Variants in UBL7 observed in about 807,000 individuals in gnomAD.
The protein encoded by UBL7 is ubiquitin like 7.
UBL7 carries 21 observed loss-of-function variants against 41.7 expected under a neutral mutation model. That is an observed-to-expected ratio of 0.50 (90% CI 0.36 to 0.73). UBL7 has a LOEUF of 0.73. Among genes scored for constraint, UBL7 ranks in the 30% least tolerant of loss-of-function variants. The pLI is 0.00. For synonymous variants in UBL7, 157 were observed against 186.9 expected, an observed-to-expected ratio of 0.84 and a Z score of 1.31; for missense variants, 403 against 478.4, an observed-to-expected ratio of 0.84 and a Z score of 1.47.
At position 74,449,226 on chromosome 15, in the gene UBL7, G is replaced by A; in HGVS notation, c.842C>T (p.Thr281Ile). 1 of 1,598,376 alleles carries A rather than the reference G, an allele frequency of 6.3e-7. No homozygotes were observed. The highest frequency in any genetic ancestry group is 8.5e-7 in the Non-Finnish European group (1 of 1,173,728). ...ELATALALAS[T>I]PESSSHTPTP... is the part of the protein sequence containing the mutation. ...CGGTGTGTGAGAGCTGCTCTCCGGA[G>A]TGCTGGCCAGGGCCAAGGCGGTGGC... Residue 281 changes from threonine (T) to isoleucine (I), a missense_variant, in exon 9 of 11, where the codon ACT becomes ATT. Thr to Ile is a moderately conservative substitution (Grantham distance 89). Transcript: ENST00000395081.
chr15:74,456,108 C>T (rs527434662), intron 3 of UBL7, among the ~76,000 whole-genome samples: 106 of 135,646 alleles, frequency 7.8e-4, no homozygotes, highest in Middle Eastern at 4.9e-3. Context: ...GCCTGTGAGA[C>T]AGAGTGAGAC....
At position 74,449,310 on chromosome 15, in the gene UBL7, G is replaced by T; in HGVS notation, c.758C>A (p.Pro253Gln). 6.2e-7 allele frequency: 1 copy of T among 1,614,064 alleles called. No individual in the cohort carries two copies. Among genetic ancestry groups the T allele is most frequent in the Non-Finnish European group, 8.5e-7 (1 of 1,179,998 alleles). Residue 253 changes from proline to glutamine, a missense_variant, in exon 9 of 11, where the codon CCA becomes CAA. Transcript: ENST00000395081. ...TPSSSTPSSR[P>Q]ASLGYSGAAG... ...AGCTCCACTGTACCCCAGGGAGGCT[G>T]GGCGGGAGCTGGGAGTACTGCTAGA...
intron 3 of UBL7, among the ~76,000 whole-genome samples, chr15:74,455,256 C>T (rs1384999687): frequency 6.6e-6 from 1 of 152,182 alleles, no homozygotes; most frequent in African/African-American, 2.4e-5. Flanking sequence ...AGATGTCAAC[C>T]TGCCAGTGTA....
chr15:74,456,180 C>A (rs1323301721), intron 3 of UBL7, among the ~76,000 whole-genome samples: 1 of 151,368 alleles, frequency 6.6e-6, no homozygotes, highest in East Asian at 1.9e-4. Context: ...TGCCTGTAAT[C>A]CCAGCTACTC....
chr15:74,446,312 G>T lies in UBL7; in HGVS notation c.1006-85C>A. On this transcript the variant is annotated intron_variant, in intron 10 of 10. Transcript: ENST00000395081. The surrounding 1 kb of genome is among the most constrained non-coding windows in gnomAD (Gnocchi z 4.1). The stretch of plus-strand genomic sequence containing the variant: ...GGTCTGTGCTTTCCGGGGAAGGAAA[G>T]GAAGATGGGGGAGTCCTCAGCAAAG... 1.3e-6 allele frequency: 2 copies of T among 1,544,324 alleles called. No individual in the cohort carries two copies. Among genetic ancestry groups the T allele is most frequent in the Non-Finnish European group, 1.8e-6 (2 of 1,138,354 alleles).
At position 74,459,130 on chromosome 15, in the gene UBL7, A is replaced by T. The variant is rs1475217774; in HGVS notation, c.-29-234T>A. On this transcript the variant is annotated intron_variant, in intron 1 of 10. Transcript: ENST00000395081. ...TAACGTGGACATAAAAACGCCATCC[A>T]ATCTAATAGGAATGTTGTGAGAGAG... The T allele has an allele frequency of 6.5e-6, 3 of 460,166 alleles. No homozygotes were observed. The East Asian group carries it at 1.1e-4, about 17-fold the overall frequency. The allele number at this position is 460,166 out of a possible 1,614,324, so 28.5% of individuals were successfully genotyped here. A position where few individuals can be genotyped will look rare whatever the true frequency, so the allele number is the denominator to read the frequency against.
At chr15:74,460,878 G>T in intron 1 of UBL7, 159 bp downstream of exon 1, 1 of 1,190,124 alleles carries the variant, frequency 8.4e-7, no homozygotes, top group South Asian at 1.6e-5. Context: ...GAAGGAGGTC[G>T]TTTTATATAC....
Position 74,445,993 on chromosome 15 carries a change from G to GTA in UBL7, c.*95_*96dup, listed in dbSNP as rs2061178429. On this transcript the variant is annotated 3_prime_UTR_variant, in exon 11 of 11. Transcript: ENST00000395081. ...ACAAAGCAGGAGAGTTGACCATCAG[G>GTA]TATATTGGGGAAGGGAGAGATGGAG... 1.3e-6 allele frequency: 2 copies of GTA among 1,492,470 alleles called. No homozygotes were observed. Among genetic ancestry groups the GTA allele is most frequent in the Non-Finnish European group, 1.8e-6 (2 of 1,104,374 alleles). The allele number at this position is 1,492,470 out of a possible 1,614,324, so 92.5% of individuals were successfully genotyped here.
At chr15:74,447,494 A>G (rs2061194557) in intron 10 of UBL7, among the ~76,000 whole-genome samples, 2 of 152,088 alleles carry the variant, frequency 1.3e-5, no homozygotes, top group Admixed American at 6.5e-5. Flanking sequence ...CTTGAGCCCA[A>G]GAGTTCAAGA....
intron 9 of UBL7, 137 bp downstream of exon 9, chr15:74,449,049 A>G: frequency 9.1e-7 from 1 of 1,093,572 alleles, no homozygotes; most frequent in Non-Finnish European, 1.3e-6. Context: ...AGCTGCAGTA[A>G]GAAATCCCCA....
chr15:74,452,605 TAAAC>T lies in UBL7; in HGVS notation c.305-231_305-228del, dbSNP rs558750218. Among the ~76,000 whole-genome samples the T allele has an allele frequency of 1.9e-4, 29 of 152,340 alleles. No individual in the cohort carries two copies. The East Asian group carries it at 4.0e-3, about 21-fold the overall frequency. On this transcript the variant is annotated intron_variant, in intron 3 of 10. Transcript: ENST00000395081. The stretch of plus-strand genomic sequence containing the variant: ...TTCACTTGTAAGCATCTTGCACAGA[TAAAC>T]AAACAAATTCAAGTTGCAGCAGAGG...
At chr15:74,449,382 G>A (rs1038959861) in intron 8 of UBL7, 29 bp from the exon 9 acceptor site, 5 of 1,612,504 alleles carry the variant, frequency 3.1e-6, no homozygotes, top group Non-Finnish European at 4.2e-6. Context: ...CAGAATCAGG[G>A]AAGCAGTACT....
chr15:74,449,507 C>T (rs576488648), intron 8 of UBL7, 119 bp downstream of exon 8: 3 of 1,561,034 alleles, frequency 1.9e-6, no homozygotes, highest in East Asian at 2.3e-5. Context: ...TGGTCTTGGC[C>T]CCCCAATGGC....
At position 74,461,127 on chromosome 15, in the gene UBL7, C is replaced by T. The variant is rs911276454; in HGVS notation, c.-120G>A. On this transcript the variant is annotated 5_prime_UTR_variant, in exon 1 of 11. Transcript: ENST00000395081. ...CCTCACCCGTCCCGCGGAAGGAACC[C>T]GGCCGCACTGCCGCCGGTGTAAACA... 5.0e-6 allele frequency: 5 copies of T among 996,866 alleles called. No individual in the cohort carries two copies. The African/African-American group carries it at 7.0e-5, about 14-fold the overall frequency. The allele number at this position is 996,866 out of a possible 1,614,324, so 61.8% of individuals were successfully genotyped here. A position where few individuals can be genotyped will look rare whatever the true frequency, so the allele number is the denominator to read the frequency against.
At chr15:74,456,369 A>G (rs2061294398) in intron 3 of UBL7, among the ~76,000 whole-genome samples, 183 bp downstream of exon 3, 1 of 152,204 alleles carries the variant, frequency 6.6e-6, no homozygotes, top group South Asian at 2.1e-4. Flanking sequence ...GGCAGTAAGA[A>G]GGTCAAAATT....
chr15:74,451,794 A>G (rs978742764), intron 4 of UBL7, among the ~76,000 whole-genome samples: 4 of 152,118 alleles, frequency 2.6e-5, no homozygotes, highest in African/African-American at 9.7e-5. Flanking sequence ...TGCTTCCAAA[A>G]TAAAAGCTCT....
chr15:74,450,683 G>T, intron 6 of UBL7, 119 bp downstream of exon 6: 2 of 1,066,094 alleles, frequency 1.9e-6, no homozygotes, highest in Non-Finnish European at 1.4e-6. Context: ...GTATCTAAGG[G>T]GTAGACTTGG....
chr15:74,461,090 G>C lies in UBL7; in HGVS notation c.-83C>G. The C allele has an allele frequency of 2.0e-6, 2 of 1,006,504 alleles. No individual in the cohort carries two copies. The highest frequency in any genetic ancestry group is 2.4e-6 in the Non-Finnish European group (2 of 840,992). 62.3% of individuals were successfully genotyped at this position (1,006,504 alleles called of 1,614,324 possible). ...ACACACATCGAGCCCGCGCTGCCCA[G>C]GGCCCCAGCGCCCTCACCCGTCCCG... On this transcript the variant is annotated 5_prime_UTR_variant, in exon 1 of 11. Transcript: ENST00000395081.
chr15:74,450,236 G>A (rs2061230372), intron 6 of UBL7, among the ~76,000 whole-genome samples, 167 bp from the exon 7 acceptor site: 1 of 152,084 alleles, frequency 6.6e-6, no homozygotes. Flanking sequence ...CTGCTGATCT[G>A]CCCCCAGCAA....
Sources: allele counts gnomAD v4.1 joint callset (sites outside exome capture counted in the v4.1 genomes callset), GRCh38; gene constraint gnomAD v4.1.1; non-coding constraint Gnocchi (gnomAD v3.1); transcripts MANE v1.5; gene names NCBI Gene and HGNC (gene_info 2026-07-23, HGNC 2026-07-21).